HECW2: variants seen among roughly 807,000 people sequenced by gnomAD.
The protein encoded by HECW2 is HECT, C2 and WW domain containing E3 ubiquitin protein ligase 2.
Under a neutral mutation model 175.2 loss-of-function variants are expected in HECW2, and 61 were observed. That is an observed-to-expected ratio of 0.35 (90% confidence interval 0.28 to 0.43). The LOEUF (loss-of-function observed/expected upper bound fraction) is 0.43, where lower values mean the gene tolerates loss of function less well. Ranked by LOEUF, HECW2 falls within the 20% of genes least tolerant of loss-of-function variation. HECW2 has a pLI of 1.00. For missense variants in HECW2, 1,524 were observed against 2,000.5 expected (o/e 0.76, Z 4.54); for synonymous variants, 671 against 731.0 (o/e 0.92, Z 1.32).
chr2:196,331,923 AC>A (rs1692375791), intron 4 of HECW2, among the ~76,000 whole-genome samples: 1 of 152,200 alleles, frequency 6.6e-6, no homozygotes, highest in South Asian at 2.1e-4. Context: ...TTCCAGGAAA[AC>A]CCAGAAATAA....
chr2:196,450,772 C>T (rs552261403), intron 1 of HECW2, among the ~76,000 whole-genome samples: 6 of 152,038 alleles, frequency 3.9e-5, no homozygotes, highest in African/African-American at 1.4e-4. Context: ...TGAGCCACCA[C>T]GCCCAGCCCA....
chr2:196,228,529 G>C (rs1442559475), intron 21 of HECW2, among the ~76,000 whole-genome samples: 1 of 152,128 alleles, frequency 6.6e-6, no homozygotes, highest in Non-Finnish European at 1.5e-5. Context: ...ACATACAATA[G>C]GCAATATGCT....
chr2:196,208,076 C>T (rs550246959), intron 28 of HECW2, among the ~76,000 whole-genome samples: 1 of 152,302 alleles, frequency 6.6e-6, no homozygotes, highest in South Asian at 2.1e-4. Context: ...AATACAAACA[C>T]GCTGGGTGAA....
intron 15 of HECW2, among the ~76,000 whole-genome samples, chr2:196,274,956 C>G (rs1689887219): frequency 6.6e-6 from 1 of 152,196 alleles, no homozygotes; most frequent in Non-Finnish European, 1.5e-5. Context: ...GAAAAAATAA[C>G]ACACTGTACT....
intron 1 of HECW2, among the ~76,000 whole-genome samples, chr2:196,514,323 T>G (rs1164329930): frequency 6.6e-6 from 1 of 152,138 alleles, no homozygotes; most frequent in East Asian, 1.9e-4. Flanking sequence ...AAAGTTCCCT[T>G]CAGACTTTGG....
intron 1 of HECW2, among the ~76,000 whole-genome samples, chr2:196,448,486 T>C (rs1020791634): frequency 1.3e-5 from 2 of 152,184 alleles, no homozygotes; most frequent in Non-Finnish European, 2.9e-5. Flanking sequence ...CTATATCATA[T>C]GGAACCCAGG....
At chr2:196,468,704 C>T (rs1287022777) in intron 1 of HECW2, among the ~76,000 whole-genome samples, 2 of 152,136 alleles carry the variant, frequency 1.3e-5, no homozygotes, top group African/African-American at 4.8e-5. Flanking sequence ...AGATTTTCCA[C>T]ATGAATGAAG....
Position 196,325,153 on chromosome 2 carries a change from T to A in HECW2, c.572-4A>T, listed in dbSNP as rs966907015. ...TTTAGCCCAACTGCCCTAAGATCTT[T>A]AAAGAAAGAGGGAGAAGGAGGGAGG... is the stretch of plus-strand genomic sequence containing the variant. On this transcript the variant is annotated splice_polypyrimidine_tract_variant and splice_region_variant and intron_variant, in intron 5 of 28. Transcript: ENST00000644978. 3 of 1,569,358 alleles carry A rather than the reference T, an allele frequency of 1.9e-6. No homozygotes were observed. Among genetic ancestry groups the A allele is most frequent in the Admixed American group, 3.8e-5 (2 of 52,246 alleles).
intron 2 of HECW2, among the ~76,000 whole-genome samples, chr2:196,344,351 C>CT (rs1471855005): frequency 1.1e-3 from 161 of 140,202 alleles, no homozygotes; most frequent in African/African-American, 3.8e-3. Context: ...AAAAGAGTCT[C>CT]TATAGGCTTT....
At chr2:196,427,705 C>T (rs901663259) in intron 2 of HECW2, among the ~76,000 whole-genome samples, 16 of 152,176 alleles carry the variant, frequency 1.1e-4, no homozygotes, top group African/African-American at 7.2e-5. Context: ...TAGTGATTTC[C>T]GCAAACCATC....
chr2:196,580,205 G>C (rs1405415082), intron 1 of HECW2, among the ~76,000 whole-genome samples: 2 of 151,398 alleles, frequency 1.3e-5, no homozygotes, highest in Non-Finnish European at 2.9e-5. Context: ...CAAAGCTAAA[G>C]GGAGAAATGG....
intron 2 of HECW2, among the ~76,000 whole-genome samples, chr2:196,409,937 A>C (rs1695064541): frequency 6.6e-6 from 1 of 152,238 alleles, no homozygotes; most frequent in Non-Finnish European, 1.5e-5. Flanking sequence ...AAGAATCATA[A>C]AAAGATTTGC....
At chr2:196,301,585 T>C (rs893608029) in intron 13 of HECW2, among the ~76,000 whole-genome samples, 1 of 152,204 alleles carries the variant, frequency 6.6e-6, no homozygotes, top group African/African-American at 2.4e-5. Flanking sequence ...TGGCATGAGA[T>C]GACATCTCAT....
intron 21 of HECW2, among the ~76,000 whole-genome samples, chr2:196,231,092 CAAAAAAAAA>C (rs10653412): frequency 5.4e-5 from 3 of 55,338 alleles, no homozygotes; most frequent in South Asian, 1.1e-3. Flanking sequence ...GACTCCGTCT[CAAAAAAAAA>C]AAAAAAAAAA....
intron 11 of HECW2, 31 bp downstream of exon 11, chr2:196,307,903 TA>T: frequency 6.8e-7 from 1 of 1,474,046 alleles, no homozygotes; most frequent in South Asian, 1.5e-5. Flanking sequence ...AACCACAAAA[TA>T]CAACAGTCAC....
At chr2:196,227,408 C>T (rs966300630) in intron 22 of HECW2, among the ~76,000 whole-genome samples, 3 of 152,170 alleles carry the variant, frequency 2.0e-5, no homozygotes, top group Admixed American at 1.3e-4. Context: ...GGATTTTCAG[C>T]ATAAATAATC....
intron 1 of HECW2, among the ~76,000 whole-genome samples, chr2:196,585,122 G>T (rs56069940): frequency 6.6e-6 from 1 of 151,958 alleles, no homozygotes; most frequent in African/African-American, 2.4e-5. Flanking sequence ...GTATATTACT[G>T]AGGTATACCA....
At chr2:196,561,801 T>A (rs1690011035) in intron 1 of HECW2, among the ~76,000 whole-genome samples, 1 of 152,138 alleles carries the variant, frequency 6.6e-6, no homozygotes, top group Non-Finnish European at 1.5e-5. Flanking sequence ...AGAACTGATG[T>A]CTTGGGATGG....
chr2:196,353,854 CA>C (rs1693261680), intron 2 of HECW2, among the ~76,000 whole-genome samples: 1 of 152,224 alleles, frequency 6.6e-6, no homozygotes, highest in Non-Finnish European at 1.5e-5. Flanking sequence ...CTGGCAGAGA[CA>C]ACCTGACTTA....
Sources: gnomAD v4.1 joint callset for allele counts (sites outside exome capture counted in the v4.1 genomes callset) on GRCh38, gnomAD v4.1.1 for gene constraint, MANE v1.5 for transcripts, NCBI Gene and HGNC (gene_info 2026-07-23, HGNC 2026-07-21) for gene names.